SHCBP1L: variants seen among roughly 807,000 people sequenced by gnomAD.
The protein encoded by SHCBP1L is SHC binding and spindle associated 1 like.
A neutral mutation model predicts 62.5 loss-of-function variants in SHCBP1L; 67 were observed. The ratio of observed to expected loss-of-function variants is 1.07; its 90% confidence interval spans 0.88 to 1.31. The LOEUF (loss-of-function observed/expected upper bound fraction) is 1.31. Among genes scored for constraint, SHCBP1L ranks in the 40% most tolerant of loss-of-function variants. SHCBP1L has a pLI of 0.00. For missense variants in SHCBP1L, 823 were observed against 809.8 expected (o/e 1.02, Z -0.20); for synonymous variants, 284 against 289.4 (o/e 0.98, Z 0.19).
chr1:182,901,450 T>C (rs1029481693), intron 9 of SHCBP1L, among the ~76,000 whole-genome samples: 1 of 151,296 alleles, frequency 6.6e-6, no homozygotes, highest in Non-Finnish European at 1.5e-5. Context: ...AGAGCAAAAC[T>C]CCATCTCAAA....
chr1:182,909,415 A>G (rs1650111223), intron 6 of SHCBP1L, among the ~76,000 whole-genome samples: 1 of 152,344 alleles, frequency 6.6e-6, no homozygotes, highest in African/African-American at 2.4e-5. Context: ...AACACTGAGG[A>G]ATATTTAACA....
intron 2 of SHCBP1L, 135 bp downstream of exon 2, chr1:182,951,183 T>C (rs1282551837): frequency 1.8e-5 from 12 of 648,958 alleles, no homozygotes; most frequent in Non-Finnish European, 2.8e-5. Flanking sequence ...TTTACACTAT[T>C]AATTTTCTCG....
rs202038636 is a variant in SHCBP1L at position 182,917,049 on chromosome 1, T to TA, written c.1183-11401dup. 1.8e-3 allele frequency among the ~76,000 whole-genome samples: 270 copies of TA among 150,762 alleles called. 1 individual carries two copies. Among genetic ancestry groups the TA allele is most frequent in the Non-Finnish European group, 2.3e-3 (156 of 67,602 alleles). ...GTACCCCCAAACCTAAAATAAAAGT[T>TA]AAAAAAAAAGAATTAACACCAATCT... is the stretch of plus-strand genomic sequence containing the variant. On this transcript the variant is annotated intron_variant, in intron 6 of 9. Coordinates refer to ENST00000367547, the MANE Select transcript of SHCBP1L (RefSeq NM_030933.4).
chr1:182,913,824 T>A (rs1477851453), intron 6 of SHCBP1L, among the ~76,000 whole-genome samples: 1 of 151,974 alleles, frequency 6.6e-6, no homozygotes, highest in Non-Finnish European at 1.5e-5. Flanking sequence ...CTACTAAAAA[T>A]ACAAAAATTA....
At chr1:182,910,537 C>A (rs1379783991) in intron 6 of SHCBP1L, among the ~76,000 whole-genome samples, 1 of 151,976 alleles carries the variant, frequency 6.6e-6, no homozygotes, top group Admixed American at 6.6e-5. Context: ...AGATGCCTAG[C>A]GCAAAGAACA....
rs1651314737 is a variant in SHCBP1L, at chr1:182,940,318, G to A, written c.770+11C>T. The A allele has an allele frequency of 1.9e-6, 3 of 1,595,668 alleles. No individual in the cohort carries two copies. Among genetic ancestry groups the A allele is most frequent in the African/African-American group, 1.3e-5 (1 of 74,292 alleles). ...AATAAATTTAATTTTCAAAAGTAAAGGCCCTAATACCTGACAACTTCCAAG... is the reference window on the plus strand; with the variant it reads ...AATAAATTTAATTTTCAAAAGTAAAAGCCCTAATACCTGACAACTTCCAAG... On this transcript the variant is annotated intron_variant, in intron 3 of 9. Coordinates refer to ENST00000367547, the MANE Select transcript of SHCBP1L (RefSeq NM_030933.4).
At position 182,899,875 on chromosome 1, in the gene SHCBP1L, A is replaced by G. The variant is rs1188535886; in HGVS notation, c.*108T>C. ...CATTCAGTGAAAGCATGATATTTAA[A>G]TATTTTTTAATTAAGCTTTGAATTG... On this transcript the variant is annotated 3_prime_UTR_variant, in exon 10 of 10. Transcript: ENST00000367547. 2.2e-6 allele frequency: 2 copies of G among 918,194 alleles called. No homozygotes were observed. The allele number at this position is 918,194 out of a possible 1,614,324, so 56.9% of individuals were successfully genotyped here.
intron 6 of SHCBP1L, among the ~76,000 whole-genome samples, chr1:182,906,857 G>A (rs1013669371): frequency 6.7e-6 from 1 of 150,152 alleles, no homozygotes; most frequent in African/African-American, 2.4e-5. Context: ...TCATTCTCTC[G>A]CCCAGGCTGG....
intron 5 of SHCBP1L, among the ~76,000 whole-genome samples, chr1:182,937,194 A>G (rs1447358844): frequency 1.3e-5 from 2 of 151,908 alleles, no homozygotes; most frequent in African/African-American, 4.8e-5. Context: ...ACTTCCTTTA[A>G]CCTTTCTTGC....
At chr1:182,916,006 C>T (rs554557909) in intron 6 of SHCBP1L, among the ~76,000 whole-genome samples, 7 of 152,200 alleles carry the variant, frequency 4.6e-5, no homozygotes, top group African/African-American at 1.7e-4. Context: ...CGGGGTTTCA[C>T]CGTGTTAGCC....
rs1183895836 is a variant in SHCBP1L at position 182,903,130 on chromosome 1, A to T, written c.1619T>A (p.Ile540Lys). 2 of 1,601,698 alleles carry T rather than the reference A, an allele frequency of 1.2e-6. No homozygotes were observed. The highest frequency in any genetic ancestry group is 1.7e-6 in the Non-Finnish European group (2 of 1,173,628). ...GAGVELYPGS[I>K]AILERNEIHH... ...AATTTCATTTCTTTCCAAAATAGCT[A>T]TGCTTCCAGGATACAGTTCAACACC... The change falls in exon 9 of 10, where the codon ATA (isoleucine) becomes AAA (lysine). Residue 540 changes from isoleucine (I) to lysine (K), a missense_variant. By Grantham distance (102) the Ile-to-Lys change is moderately radical. Transcript: ENST00000367547.
intron 5 of SHCBP1L, among the ~76,000 whole-genome samples, chr1:182,931,823 A>G (rs563568397): frequency 2.0e-5 from 3 of 152,062 alleles, no homozygotes; most frequent in Non-Finnish European, 4.4e-5. Flanking sequence ...GTTGTCCATT[A>G]TAGGAGTTTG....
rs188098958 is a variant in SHCBP1L at position 182,914,624 on chromosome 1, C to T, written c.1183-8975G>A. Among the ~76,000 whole-genome samples, 217 of 151,160 alleles carry T rather than the reference C, an allele frequency of 1.4e-3. 2 individuals carry two copies. The highest frequency in any genetic ancestry group is 3.4e-3 in the Middle Eastern group (1 of 294). On this transcript the variant is annotated intron_variant, in intron 6 of 9. Coordinates refer to ENST00000367547, the MANE Select transcript of SHCBP1L (RefSeq NM_030933.4). ...TCACCAAGAATATAACTAAAAAATA[C>T]ATACAAAAGGAAATGTGGAGTAAAT...
At chr1:182,948,316 G>A (rs1651633177) in intron 2 of SHCBP1L, among the ~76,000 whole-genome samples, 1 of 152,168 alleles carries the variant, frequency 6.6e-6, no homozygotes, top group Non-Finnish European at 1.5e-5. Context: ...ACCTTACATG[G>A]CAAAATGGAC....
chr1:182,938,138 G>A (rs10159028), intron 5 of SHCBP1L, among the ~76,000 whole-genome samples: 12,324 of 152,042 alleles, frequency 0.081, 1,335 homozygotes, highest in African/African-American at 0.25. Flanking sequence ...ATGGAGTTTC[G>A]CTCTTGTTGC....
At position 182,915,161 on chromosome 1, in the gene SHCBP1L, CAAAAAAAAAAAAAAAAAAAA is replaced by C. The variant is rs371432299; in HGVS notation, c.1183-9532_1183-9513del. 1.2e-3 allele frequency among the ~76,000 whole-genome samples: 39 copies of C among 31,910 alleles called. 1 individual carries two copies. The highest frequency in any genetic ancestry group is 2.0e-3 in the Non-Finnish European group (28 of 14,202). The allele number at this position is 31,910 out of a possible 152,430, so 20.9% of individuals were successfully genotyped here. A position where few individuals can be genotyped will look rare whatever the true frequency, so the allele number is the denominator to read the frequency against. On this transcript the variant is annotated intron_variant, in intron 6 of 9. Coordinates refer to ENST00000367547, the MANE Select transcript of SHCBP1L (RefSeq NM_030933.4). ...TGGGCAACAGAGGCAGACTCTGTCTCAAAAAAAAAAAAAAAAAAAAAAAAAAAAAAAAAAGAATCTCACTT... is the reference window on the plus strand; with the variant it reads ...TGGGCAACAGAGGCAGACTCTGTCTCAAAAAAAAAAAAAAGAATCTCACTT...
intron 2 of SHCBP1L, among the ~76,000 whole-genome samples, chr1:182,940,751 A>G (rs907410397): frequency 8.6e-5 from 13 of 152,040 alleles, no homozygotes; most frequent in Non-Finnish European, 1.5e-4. Flanking sequence ...ATTTTTTTTC[A>G]GTTTCATGAA....
At chr1:182,923,683 A>T (rs1274669562) in intron 6 of SHCBP1L, among the ~76,000 whole-genome samples, 4 of 152,206 alleles carry the variant, frequency 2.6e-5, no homozygotes, top group Non-Finnish European at 5.9e-5. Flanking sequence ...CTATAAATTC[A>T]ACATCTATTC....
In SHCBP1L at chr1:182,899,992, G is replaced by A. The variant is rs1021498152; in HGVS notation, c.1953C>T (p.Val651=). ...EANVKGDIRI[V]TS Reference sequence around the variant, plus strand: ...CATCAATTCAGACGCTTTAACTTGTGACTATTCTGATATCCCCCTTGACGT... The same window carrying A: ...CATCAATTCAGACGCTTTAACTTGTAACTATTCTGATATCCCCCTTGACGT... Residue 651 remains valine, a synonymous_variant, in exon 10 of 10, where the codon GTC becomes GTT. Transcript: ENST00000367547. 1.9e-6 allele frequency: 3 copies of A among 1,602,956 alleles called. No individual in the cohort carries two copies. The Admixed American group carries it at 5.2e-5, about 28-fold the overall frequency.
Sources: allele counts gnomAD v4.1 joint callset (sites outside exome capture counted in the v4.1 genomes callset), GRCh38; gene constraint gnomAD v4.1.1; transcripts MANE v1.5; gene names NCBI Gene and HGNC (gene_info 2026-07-23, HGNC 2026-07-21).